The following MYH13 variants were observed in gnomAD, a reference collection of about 807,000 sequenced individuals.
MYH13 encodes myosin-13.
In MYH13, 177 loss-of-function variants were observed where a neutral mutation model predicts 232.1. The ratio of observed to expected loss-of-function variants is 0.76; its 90% CI spans 0.67 to 0.86. MYH13 has a LOEUF of 0.86. Among genes scored for constraint, MYH13 ranks in the 40% least tolerant of loss-of-function variants. The probability of loss-of-function intolerance (pLI) is 0.00; values close to 1 mark genes in which losing one functional copy is unlikely to be tolerated. For missense variants in MYH13, 2,246 were observed against 2,405.9 expected (o/e 0.93, Z 1.39); for synonymous variants, 884 against 923.5 (o/e 0.96, Z 0.78).
intron 2 of MYH13, among the ~76,000 whole-genome samples, chr17:10,370,371 G>A (rs1225661720): frequency 6.6e-6 from 1 of 152,212 alleles, no homozygotes; most frequent in Non-Finnish European, 1.5e-5. Flanking sequence ...TCTGACCCAA[G>A]TCTCTAGGCA....
At chr17:10,333,277 T>C in intron 18 of MYH13, 86 bp from the exon 19 acceptor site, 1 of 914,690 alleles carries the variant, frequency 1.1e-6, no homozygotes. Context: ...CTCCAACACA[T>C]CCACACTTGA....
At chr17:10,354,833 GT>G (rs2071736224) in intron 10 of MYH13, 50 bp from the exon 11 acceptor site, 1 of 1,535,886 alleles carries the variant, frequency 6.5e-7, no homozygotes, top group African/African-American at 1.6e-5. Context: ...CTTACTCTGG[GT>G]TGTTTTTTTT....
intron 33 of MYH13, 109 bp from the exon 34 acceptor site, chr17:10,309,939 A>C (rs979026675): frequency 9.8e-7 from 1 of 1,017,648 alleles, no homozygotes; most frequent in Admixed American, 3.8e-5. Context: ...AAAAAAATTA[A>C]ATTTAAATTT....
chr17:10,315,681 C>G lies in MYH13; in HGVS notation c.3984+12G>C. The stretch of plus-strand genomic sequence containing the variant: ...CTGGCTTCTCAGGTTCAATCTGACT[C>G]TATATCTTTACCTTGGTTTCTTCTT... On this transcript the variant is annotated intron_variant, in intron 29 of 40. Transcript: ENST00000252172. 4 of 1,611,566 alleles carry G rather than the reference C, an allele frequency of 2.5e-6. No individual in the cohort carries two copies. The highest frequency in any genetic ancestry group is 3.4e-6 in the Non-Finnish European group (4 of 1,178,376).
rs1906579759 is a variant in MYH13, at chr17:10,313,239, T to C, written c.4100A>G (p.Lys1367Arg). ...AKAELQRALS[K>R]ANSEVAQWRT... The stretch of plus-strand genomic sequence containing the variant: ...CCACTGGGCAACCTCACTGTTGGCC[T>C]TGGACAGCGCCCTCTGCAGCTCGGC... Residue 1367 changes from lysine (K) to arginine (R), a missense_variant, in exon 30 of 41, where the codon AAG becomes AGG. Lys to Arg is a conservative substitution (Grantham distance 26, BLOSUM62 2). Transcript: ENST00000252172. 1.2e-6 allele frequency: 2 copies of C among 1,614,104 alleles called. No homozygotes were observed. Among genetic ancestry groups the C allele is most frequent in the Non-Finnish European group, 1.7e-6 (2 of 1,180,042 alleles).
At chr17:10,302,493 A>T (rs1268542137) in intron 39 of MYH13, among the ~76,000 whole-genome samples, 2 of 152,172 alleles carry the variant, frequency 1.3e-5, no homozygotes, top group African/African-American at 2.4e-5. Context: ...ACAAAATCTG[A>T]GATATCCTTG....
intron 8 of MYH13, among the ~76,000 whole-genome samples, chr17:10,357,252 G>A (rs199890078): frequency 3.7e-4 from 57 of 152,202 alleles, no homozygotes; most frequent in East Asian, 1.2e-3. Context: ...GTGAGCCACC[G>A]CGCCCAGACT....
Position 10,304,737 on chromosome 17 carries a change from C to G in MYH13, c.5467-1239G>C, listed in dbSNP as rs1172631331. Among the ~76,000 whole-genome samples the G allele has an allele frequency of 6.6e-6, 1 of 152,208 alleles. No homozygotes were observed. The highest frequency in any genetic ancestry group is 2.4e-5 in the African/African-American group (1 of 41,460). ...CCCAGCCTACCTCAAATGTGGAGAT[C>G]AAATGAAAGTATGTGAAAGTATTGT... On this transcript the variant is annotated intron_variant, in intron 37 of 40. Coordinates refer to ENST00000252172, the MANE Select transcript of MYH13 (RefSeq NM_003802.3). The surrounding 1 kb of genome is among the most constrained non-coding windows in gnomAD (Gnocchi z 5.3).
chr17:10,370,144 A>C (rs1273534184), intron 2 of MYH13, among the ~76,000 whole-genome samples: 1 of 151,936 alleles, frequency 6.6e-6, no homozygotes, highest in South Asian at 2.1e-4. Context: ...GTGTGCCCTC[A>C]CCTCTCTTGA....
chr17:10,320,547 C>G (rs759125156), intron 24 of MYH13, 51 bp from the exon 25 acceptor site: 5 of 1,570,398 alleles, frequency 3.2e-6, no homozygotes, highest in Non-Finnish European at 4.3e-6. Flanking sequence ...GAAGTGTTTG[C>G]CCCGTTTATC....
intron 20 of MYH13, 108 bp from the exon 21 acceptor site, chr17:10,330,631 CGGCAGG>C: frequency 7.1e-7 from 1 of 1,406,952 alleles, no homozygotes; most frequent in Non-Finnish European, 9.5e-7. Flanking sequence ...TCTCAGAGCA[CGGCAGG>C]GGCAGCAATT....
In MYH13 at chr17:10,364,305, G is replaced by T. The variant is rs368572181; in HGVS notation, c.204+22C>A. ...AAATGAGCATGCCCATATTATCAAA[G>T]ACATCTGTAATCAACACTCACCCGG... is the stretch of plus-strand genomic sequence containing the variant. On this transcript the variant is annotated intron_variant, in intron 3 of 40. Transcript: ENST00000252172. 92 of 1,600,250 alleles carry T rather than the reference G, an allele frequency of 5.7e-5. 1 individual carries two copies. In the Middle Eastern group the frequency reaches 6.6e-4, roughly 11 times the overall value.
At chr17:10,307,914 A>G (rs1304599496) in intron 35 of MYH13, among the ~76,000 whole-genome samples, 1 of 152,210 alleles carries the variant, frequency 6.6e-6, no homozygotes, top group Non-Finnish European at 1.5e-5. Flanking sequence ...TCTAAAAGTA[A>G]AATTTTTATT....
At chr17:10,350,859 AC>A (rs1407690544) in intron 11 of MYH13, 165 bp from the exon 12 acceptor site, 2 of 885,832 alleles carry the variant, frequency 2.3e-6, no homozygotes, top group Non-Finnish European at 3.6e-6. Context: ...CATTTGTTTC[AC>A]GTGTTTGTGT....
chr17:10,302,371 G>T (rs1182268123), intron 39 of MYH13, among the ~76,000 whole-genome samples: 1 of 152,260 alleles, frequency 6.6e-6, no homozygotes, highest in East Asian at 1.9e-4. Context: ...CCTGAGGGAT[G>T]CTCTGCATAC....
chr17:10,342,194 A>G (rs2071623890), intron 16 of MYH13, among the ~76,000 whole-genome samples: 1 of 152,068 alleles, frequency 6.6e-6, no homozygotes, highest in Non-Finnish European at 1.5e-5. Flanking sequence ...ACAGGTGTGC[A>G]CCACCACTTT....
At chr17:10,318,194 A>G (rs2046623730) in intron 27 of MYH13, among the ~76,000 whole-genome samples, 1 of 152,224 alleles carries the variant, frequency 6.6e-6, no homozygotes, top group Admixed American at 6.5e-5. Flanking sequence ...GTGAGCTGAG[A>G]TGGCGCCACT....
chr17:10,360,372 A>G (rs1284690608), intron 5 of MYH13, among the ~76,000 whole-genome samples, 184 bp from the exon 6 acceptor site: 1 of 152,176 alleles, frequency 6.6e-6, no homozygotes, highest in Non-Finnish European at 1.5e-5. Context: ...CAAATGTGGG[A>G]TGTGCAACAT....
intron 20 of MYH13, among the ~76,000 whole-genome samples, chr17:10,331,888 G>T (rs972075976): frequency 6.6e-6 from 1 of 152,044 alleles, no homozygotes; most frequent in Admixed American, 6.6e-5. Flanking sequence ...TGCATGGTGG[G>T]GCTCAGGCTT....
Sources: allele counts gnomAD v4.1 joint callset (sites outside exome capture counted in the v4.1 genomes callset), GRCh38; gene constraint gnomAD v4.1.1; non-coding constraint Gnocchi (gnomAD v3.1); transcripts MANE v1.5; gene names NCBI Gene and HGNC (gene_info 2026-07-23, HGNC 2026-07-21).